ACTN4: variants seen among roughly 807,000 people sequenced by gnomAD.
ACTN4 encodes the protein alpha-actinin-4.
A neutral mutation model predicts 114.2 loss-of-function variants in ACTN4; 18 were observed. The observed-to-expected ratio is 0.16, with a 90% CI of 0.11 to 0.23. ACTN4 has a LOEUF of 0.23. ACTN4 is among the 10% of genes least tolerant of loss of function. The probability of loss-of-function intolerance (pLI) is 1.00; values close to 1 mark genes in which losing one functional copy is unlikely to be tolerated. For missense variants in ACTN4, 722 were observed against 1,262.9 expected (o/e 0.57, Z 6.49); for synonymous variants, 515 against 506.3 (o/e 1.02, Z -0.23).
intron 11 of ACTN4, among the ~76,000 whole-genome samples, chr19:38,719,478 C>A (rs1488192136): frequency 6.6e-6 from 1 of 152,258 alleles, no homozygotes; most frequent in East Asian, 1.9e-4. Flanking sequence ...CAGAGCAGCC[C>A]AGCCCCTTTG....
chr19:38,709,265 T>G, intron 6 of ACTN4, 130 bp from the exon 7 acceptor site: 1 of 766,196 alleles, frequency 1.3e-6, no homozygotes, highest in Non-Finnish European at 2.4e-6. Context: ...CACACGTGGC[T>G]GAGAACTGCC....
chr19:38,693,504 C>G (rs1000524619), intron 1 of ACTN4: 1 of 152,034 alleles, frequency 6.6e-6, no homozygotes, highest in African/African-American at 2.4e-5. Flanking sequence ...AGCTCACCAT[C>G]GCTCTGCCCA....
At chr19:38,707,207 A>G (rs542263985) in intron 5 of ACTN4, among the ~76,000 whole-genome samples, 2 of 151,564 alleles carry the variant, frequency 1.3e-5, no homozygotes, top group East Asian at 3.9e-4. Context: ...TCCTGCCACT[A>G]ACTGACTGAA....
chr19:38,721,776 G>T (rs1437049204), intron 12 of ACTN4, 88 bp downstream of exon 12: 8 of 1,571,566 alleles, frequency 5.1e-6, no homozygotes, highest in Non-Finnish European at 6.9e-6. Flanking sequence ...GGCCCAGCCT[G>T]CCTCAAGGCC....
chr19:38,698,283 G>A (rs1051104369), intron 1 of ACTN4, among the ~76,000 whole-genome samples: 1 of 152,186 alleles, frequency 6.6e-6, no homozygotes, highest in South Asian at 2.1e-4. Flanking sequence ...TCATCCCCAC[G>A]TTGCAGAGGA....
intron 20 of ACTN4, 54 bp downstream of exon 20, chr19:38,729,208 T>C: frequency 2.5e-6 from 4 of 1,612,198 alleles, no homozygotes; most frequent in Non-Finnish European, 3.4e-6. Flanking sequence ...GTCCCTGCAG[T>C]GGGAGGGGCT....
At chr19:38,696,807 C>T (rs1224155131) in intron 1 of ACTN4, among the ~76,000 whole-genome samples, 1 of 152,150 alleles carries the variant, frequency 6.6e-6, no homozygotes, top group Non-Finnish European at 1.5e-5. Context: ...GTGGGAGTTC[C>T]CTTCTGCGTC....
In ACTN4 at chr19:38,710,261, C is replaced by T. The variant is rs34491236; in HGVS notation, c.738C>T (p.Ile246=). 359 of 1,614,132 alleles carry T rather than the reference C, an allele frequency of 2.2e-4. No individual in the cohort carries two copies. In the African/African-American group the frequency reaches 4.3e-3, roughly 19 times the overall value. ...ACCCTTGTTGTTCACTTGCAGACAT[C>T]GTGAACACGGCCCGGCCCGACGAGA... ...DIPKMLDAED[I]VNTARPDEKA... is the part of the protein sequence containing the mutation. Residue 246 remains isoleucine, a synonymous_variant, in exon 8 of 21, where the codon ATC becomes ATT. Transcript: ENST00000252699.
intron 1 of ACTN4, among the ~76,000 whole-genome samples, chr19:38,669,272 C>T (rs1796565961): frequency 6.6e-6 from 1 of 152,192 alleles, no homozygotes; most frequent in Non-Finnish European, 1.5e-5. Flanking sequence ...AGGCGTGAGT[C>T]ACCGCGCCCA....
chr19:38,655,322 C>T lies in ACTN4; in HGVS notation c.162+7415C>T, dbSNP rs144529849. Among the ~76,000 whole-genome samples, 368 of 152,244 alleles carry T rather than the reference C, an allele frequency of 2.4e-3. 2 individuals are homozygous for T. The highest frequency in any genetic ancestry group is 8.4e-3 in the African/African-American group (350 of 41,548). ...GGCCCCCCAGGCTTGAGGCCTGCTC[C>T]CTTTGTTAGAAAGGGATTGGCAAGT... is the stretch of plus-strand genomic sequence containing the variant. On this transcript the variant is annotated intron_variant, in intron 1 of 20. Transcript: ENST00000252699.
Position 38,692,287 on chromosome 19 carries a change from GT to G in ACTN4, c.163-8312del, listed in dbSNP as rs1967956125. On this transcript the variant is annotated intron_variant, in intron 1 of 20. Transcript: ENST00000252699. ...GGTTGGGTCCTGGACAGGCTGCCCC[GT>G]GTGTCGCTGAACTGCCGCAGTGCTA... Among the ~76,000 whole-genome samples the G allele has an allele frequency of 2.0e-5, 3 of 152,256 alleles. No individual in the cohort carries two copies. In the South Asian group the frequency reaches 6.2e-4, roughly 32 times the overall value.
chr19:38,720,125 G>T (rs541626093), intron 11 of ACTN4, among the ~76,000 whole-genome samples: 2 of 152,210 alleles, frequency 1.3e-5, no homozygotes, highest in Admixed American at 6.5e-5. Flanking sequence ...GGGTCTGGTC[G>T]TAGCGGCCTC....
chr19:38,726,494 G>A (rs749689366), intron 17 of ACTN4, among the ~76,000 whole-genome samples: 7 of 152,150 alleles, frequency 4.6e-5, no homozygotes, highest in Non-Finnish European at 7.4e-5. Flanking sequence ...GCGGGTGCCG[G>A]GTCAGGGCAG....
rs78676119 is a variant in ACTN4, at chr19:38,680,605, C to T, written c.163-19995C>T. 7.6e-3 allele frequency among the ~76,000 whole-genome samples: 1,154 copies of T among 152,264 alleles called. 12 individuals carry two copies. Among genetic ancestry groups the T allele is most frequent in the African/African-American group, 0.026 (1,084 of 41,548 alleles). ...TGTGCAGTACGTACTTCAGTCTCAG[C>T]GTGTCTGAGACCAAACTCATTTTCA... On this transcript the variant is annotated intron_variant, in intron 1 of 20. Coordinates refer to ENST00000252699, the MANE Select transcript of ACTN4 (RefSeq NM_004924.6).
chr19:38,730,699 AGAGTGGTCACCCGGCCGT>A lies in ACTN4; in HGVS notation c.*1271_*1288del. ...TTTCTGAGTGAGGAGTACGCAGGCC[AGAGTGGTCACCCGGCCGT>A]GAGCAGTGAGGGCCAGAGACTAGCC... On this transcript the variant is annotated 3_prime_UTR_variant, in exon 21 of 21. Transcript: ENST00000252699. The A allele has an allele frequency of 1.2e-6, 1 of 863,524 alleles. No homozygotes were observed. The highest frequency in any genetic ancestry group is 1.6e-5 in the South Asian group (1 of 63,166). The allele number at this position is 863,524 out of a possible 1,614,324, so 53.5% of individuals were successfully genotyped here. A position where few individuals can be genotyped will look rare whatever the true frequency, so the allele number is the denominator to read the frequency against.
At chr19:38,710,637 G>T (rs1204624313) in intron 8 of ACTN4, among the ~76,000 whole-genome samples, 1 of 152,234 alleles carries the variant, frequency 6.6e-6, no homozygotes, top group Non-Finnish European at 1.5e-5. Flanking sequence ...CAGCAGGCCT[G>T]TCACAGGAGT....
At chr19:38,672,238 CT>C (rs35567918) in intron 1 of ACTN4, among the ~76,000 whole-genome samples, 78 of 113,712 alleles carry the variant, frequency 6.9e-4, no homozygotes, top group Admixed American at 1.8e-3. Flanking sequence ...ACATGTGGTT[CT>C]TTTTTTTTTT....
intron 12 of ACTN4, among the ~76,000 whole-genome samples, chr19:38,722,097 C>T (rs1463848420): frequency 6.6e-6 from 1 of 152,234 alleles, no homozygotes; most frequent in Non-Finnish European, 1.5e-5. Flanking sequence ...TATTGTTCTG[C>T]TCGGCCCCTT....
Position 38,726,942 on chromosome 19 carries a change from C to T in ACTN4, c.2191-15C>T, listed in dbSNP as rs762238335. The T allele has an allele frequency of 6.8e-6, 11 of 1,613,608 alleles. No homozygotes were observed. The East Asian group carries it at 2.2e-4, about 33-fold the overall frequency. ...ACAGCACCCGGCCCACGATCACGCC[C>T]CCGTCTTTCCGCAGCACATCCGCGT... On this transcript the variant is annotated splice_polypyrimidine_tract_variant and intron_variant, in intron 17 of 20. Transcript: ENST00000252699.
Sources: allele counts gnomAD v4.1 joint callset (sites outside exome capture counted in the v4.1 genomes callset), GRCh38; gene constraint gnomAD v4.1.1; transcripts MANE v1.5; gene names NCBI Gene and HGNC (gene_info 2026-07-23, HGNC 2026-07-21).